SLC6A13: variants seen among roughly 807,000 people sequenced by gnomAD.
The protein encoded by SLC6A13 is sodium- and chloride-dependent GABA transporter 2.
Under a neutral mutation model 72.9 loss-of-function variants are expected in SLC6A13, and 69 were observed. That is an observed-to-expected ratio of 0.95 (90% confidence interval 0.78 to 1.16). The LOEUF (loss-of-function observed/expected upper bound fraction) is 1.16, where lower values mean the gene tolerates loss of function less well. Ranked by LOEUF, SLC6A13 falls within the 50% of genes most tolerant of loss-of-function variation. The pLI is 0.00. For synonymous variants in SLC6A13, 303 were observed against 303.0 expected (o/e 1.00, Z 0.00); for missense variants, 735 against 760.5 (o/e 0.97, Z 0.39).
At position 255,345 on chromosome 12, in the gene SLC6A13, G is replaced by A. The variant is rs116528774; in HGVS notation, c.202+4506C>T. 2.4e-3 allele frequency among the ~76,000 whole-genome samples: 369 copies of A among 152,214 alleles called. 4 individuals carry two copies. The highest frequency in any genetic ancestry group is 8.4e-3 in the African/African-American group (348 of 41,560). Reference sequence around the variant, plus strand: ...TTTGCCTTATAACCAGTCAGCTTCTGCCTTCACTCCCCTATACTCAGTTCT... The same window carrying A: ...TTTGCCTTATAACCAGTCAGCTTCTACCTTCACTCCCCTATACTCAGTTCT... On this transcript the variant is annotated intron_variant, in intron 2 of 14. Transcript: ENST00000343164.
intron 9 of SLC6A13, 151 bp downstream of exon 9, chr12:226,239 A>G (rs1169580934): frequency 4.4e-6 from 4 of 912,516 alleles, no homozygotes; most frequent in Non-Finnish European, 6.8e-6. Context: ...GACTGTTTCA[A>G]TTCTCCGCCA....
intron 2 of SLC6A13, among the ~76,000 whole-genome samples, chr12:252,471 A>G (rs574922685): frequency 6.6e-6 from 1 of 152,220 alleles, no homozygotes; most frequent in Non-Finnish European, 1.5e-5. Flanking sequence ...CAAATTGTAC[A>G]CTTTAACTAT....
chr12:246,132 A>AAAATAAATGAATAAATGAATAAATAAAT (rs374765064), intron 2 of SLC6A13, among the ~76,000 whole-genome samples: 3 of 146,902 alleles, frequency 2.0e-5, no homozygotes, highest in Admixed American at 6.8e-5. Flanking sequence ...AATAAAAGTA[A>AAAATAAATGAATAAATGAATAAATAAAT]AAATAAATAA....
rs1226642381 is a variant in SLC6A13 at position 241,089 on chromosome 12, A to C, written c.478+1525T>G. 3.9e-5 allele frequency among the ~76,000 whole-genome samples: 6 copies of C among 152,150 alleles called. No homozygotes were observed. In the East Asian group the frequency reaches 1.2e-3, roughly 29 times the overall value. ...GGGAGGCCGAGGCAGGTGGATCACA[A>C]GGTCAGGAGTTCAAGACCAGCCTGG... On this transcript the variant is annotated intron_variant, in intron 4 of 14. Coordinates refer to ENST00000343164, the MANE Select transcript of SLC6A13 (RefSeq NM_016615.5).
chr12:233,422 C>T (rs547355893), intron 7 of SLC6A13, among the ~76,000 whole-genome samples: 8 of 152,306 alleles, frequency 5.3e-5, no homozygotes, highest in South Asian at 2.1e-4. Context: ...CCTCCCTACC[C>T]GGACGGTAAA....
At chr12:241,987 C>T (rs1942183023) in intron 4 of SLC6A13, among the ~76,000 whole-genome samples, 2 of 152,228 alleles carry the variant, frequency 1.3e-5, no homozygotes, top group Admixed American at 1.3e-4. Flanking sequence ...CTGCAAGTGC[C>T]TACAGTGTTC....
At chr12:251,998 C>T (rs964590903) in intron 2 of SLC6A13, among the ~76,000 whole-genome samples, 25 of 151,924 alleles carry the variant, frequency 1.6e-4, no homozygotes, top group African/African-American at 5.8e-4. Flanking sequence ...AGGAAAATTA[C>T]AAAACACAGA....
At chr12:226,293 C>G (rs1448963760) in intron 9 of SLC6A13, 97 bp downstream of exon 9, 48 of 1,479,498 alleles carry the variant, frequency 3.2e-5, no homozygotes, top group Non-Finnish European at 4.0e-5. Context: ...CGTAGCTCAC[C>G]CAGAGTGCAG....
Position 231,957 on chromosome 12 carries a change from C to T in SLC6A13, c.831+3133G>A, listed in dbSNP as rs141531568. On this transcript the variant is annotated intron_variant, in intron 7 of 14. Transcript: ENST00000343164. ...AGTGGATCATAAAGTGCATGGGATT[C>T]GTCATCATTCAGACCCAGTCCCAGT... Among the ~76,000 whole-genome samples, 655 of 152,278 alleles carry T rather than the reference C, an allele frequency of 4.3e-3. 5 individuals are homozygous for T. The highest frequency in any genetic ancestry group is 0.015 in the African/African-American group (607 of 41,550).
intron 13 of SLC6A13, among the ~76,000 whole-genome samples, chr12:221,941 C>T (rs556708882): frequency 3.3e-5 from 5 of 152,292 alleles, no homozygotes; most frequent in African/African-American, 4.8e-5. Flanking sequence ...GTGGGGAGCT[C>T]GGGAACAGCT....
At chr12:221,818 G>A (rs909423244) in intron 13 of SLC6A13, among the ~76,000 whole-genome samples, 6 of 152,204 alleles carry the variant, frequency 3.9e-5, no homozygotes, top group East Asian at 3.8e-4. Flanking sequence ...TGGCCACTGC[G>A]TGCTGTGAGG....
chr12:262,125 G>T (rs773988962), intron 1 of SLC6A13, among the ~76,000 whole-genome samples: 4 of 152,218 alleles, frequency 2.6e-5, no homozygotes, highest in African/African-American at 4.8e-5. Flanking sequence ...ATCTCTCCCA[G>T]TGATGGAAAG....
At chr12:227,159 C>G (rs1941493064) in intron 8 of SLC6A13, among the ~76,000 whole-genome samples, 1 of 152,174 alleles carries the variant, frequency 6.6e-6, no homozygotes, top group Non-Finnish European at 1.5e-5. Context: ...TGGATACATT[C>G]TCGCAAATTG....
At chr12:255,032 A>G (rs1196022292) in intron 2 of SLC6A13, among the ~76,000 whole-genome samples, 1 of 152,134 alleles carries the variant, frequency 6.6e-6, no homozygotes, top group African/African-American at 2.4e-5. Flanking sequence ...TGCTCCCTTC[A>G]TGGCCTTCCA....
intron 2 of SLC6A13, among the ~76,000 whole-genome samples, chr12:250,297 G>A (rs10848623): frequency 0.52 from 79,488 of 151,936 alleles, 23,037 homozygotes; most frequent in Non-Finnish European, 0.67. Flanking sequence ...TAGCCAATAA[G>A]GCAAGATAAG....
intron 4 of SLC6A13, among the ~76,000 whole-genome samples, chr12:242,110 T>A (rs1036871406): frequency 2.0e-5 from 3 of 152,092 alleles, no homozygotes; most frequent in African/African-American, 7.2e-5. Flanking sequence ...TTTCTCAGAG[T>A]GTACCCTTGT....
chr12:226,569 A>G (rs997566799), intron 8 of SLC6A13, 55 bp from the exon 9 acceptor site: 2 of 1,572,220 alleles, frequency 1.3e-6, no homozygotes, highest in East Asian at 2.3e-5. Flanking sequence ...CAGGGCTGCA[A>G]CCTCTCCTGC....
chr12:247,475 C>G (rs974385833), intron 2 of SLC6A13, among the ~76,000 whole-genome samples: 3 of 152,108 alleles, frequency 2.0e-5, no homozygotes, highest in Non-Finnish European at 2.9e-5. Context: ...AGCTGTCAAC[C>G]CGGAATTCTA....
At chr12:260,922 T>TA (rs1009785679) in intron 1 of SLC6A13, among the ~76,000 whole-genome samples, 3 of 151,942 alleles carry the variant, frequency 2.0e-5, no homozygotes, top group East Asian at 3.9e-4. Flanking sequence ...AAGCCGGTTT[T>TA]AAAAAAAAAT....
Sources: allele counts gnomAD v4.1 joint callset (sites outside exome capture counted in the v4.1 genomes callset), GRCh38; gene constraint gnomAD v4.1.1; transcripts MANE v1.5; gene names NCBI Gene and HGNC (gene_info 2026-07-23, HGNC 2026-07-21).